The following RAD54B variants were observed in gnomAD, a reference collection of about 807,000 sequenced individuals.
RAD54B encodes the protein DNA repair and recombination protein RAD54B.
RAD54B carries 78 observed loss-of-function variants against 95.8 expected under a neutral mutation model. That is an observed-to-expected ratio of 0.81 (90% CI 0.68 to 0.98). RAD54B has a LOEUF of 0.98. RAD54B is among the 50% of genes least tolerant of loss of function. The probability of loss-of-function intolerance (pLI) is 0.00; values close to 1 mark genes in which losing one functional copy is unlikely to be tolerated. For missense variants in RAD54B, 957 were observed against 1,056.6 expected (o/e 0.91, Z 1.31); for synonymous variants, 328 against 354.9 (o/e 0.92, Z 0.85).
chr8:94,439,064 C>G (rs2130129205), intron 3 of RAD54B, among the ~76,000 whole-genome samples: 1 of 152,158 alleles, frequency 6.6e-6, no homozygotes, highest in East Asian at 1.9e-4. Flanking sequence ...TGCACTCCAG[C>G]CTCGGTGACA....
intron 5 of RAD54B, among the ~76,000 whole-genome samples, chr8:94,405,062 C>T (rs1169521840): frequency 6.6e-6 from 1 of 152,114 alleles, no homozygotes; most frequent in Non-Finnish European, 1.5e-5. Flanking sequence ...GATCTGCCCA[C>T]CTCAGCCTCC....
intron 3 of RAD54B, among the ~76,000 whole-genome samples, chr8:94,437,476 G>C (rs981076871): frequency 1.3e-5 from 2 of 152,130 alleles, no homozygotes; most frequent in African/African-American, 2.4e-5. Context: ...TAGCTAGTTA[G>C]GTTACACCCA....
At chr8:94,435,915 T>C (rs1172374997) in intron 3 of RAD54B, among the ~76,000 whole-genome samples, 2 of 152,180 alleles carry the variant, frequency 1.3e-5, no homozygotes, top group Non-Finnish European at 2.9e-5. Context: ...CCTTTAGTTG[T>C]GTTCATCTTT....
chr8:94,444,781 AG>A (rs1417680185), intron 3 of RAD54B, among the ~76,000 whole-genome samples: 3 of 151,942 alleles, frequency 2.0e-5, no homozygotes, highest in African/African-American at 4.8e-5. Context: ...TAGAGCACTA[AG>A]AAGAGTTTAC....
chr8:94,431,075 A>T, intron 3 of RAD54B: 4 of 985,274 alleles, frequency 4.1e-6, no homozygotes, highest in Non-Finnish European at 4.8e-6. Flanking sequence ...TCTCAACAAA[A>T]CCCCAGCAAA....
chr8:94,393,793 T>G lies in RAD54B; in HGVS notation c.1468A>C (p.Lys490Gln). The G allele has an allele frequency of 1.3e-6, 2 of 1,585,126 alleles. No homozygotes were observed. The highest frequency in any genetic ancestry group is 1.7e-6 in the Non-Finnish European group (2 of 1,155,222). Residue 490 changes from lysine (K) to glutamine (Q), a missense_variant, in exon 9 of 15, where the codon AAA (lysine) becomes CAA (glutamine). Coordinates refer to ENST00000336148, the MANE Select transcript of RAD54B (RefSeq NM_012415.3). ...AAAATGATGGGTTCTTCATATATTT[T>G]CCTATAAGATGACAAAGAGCCTAAT... ...GILGSLSSYR[K>Q]IYEEPIILSR...
chr8:94,403,488 C>T (rs1811309211), intron 6 of RAD54B, among the ~76,000 whole-genome samples: 1 of 151,934 alleles, frequency 6.6e-6, no homozygotes, highest in African/African-American at 2.4e-5. Flanking sequence ...ACCAGCCTGG[C>T]CAACATGGTG....
At chr8:94,414,767 T>C (rs1811616584) in intron 3 of RAD54B, among the ~76,000 whole-genome samples, 1 of 152,252 alleles carries the variant, frequency 6.6e-6, no homozygotes, top group African/African-American at 2.4e-5. Context: ...CCATTCACAA[T>C]TGCTTCAAAG....
intron 3 of RAD54B, chr8:94,429,114 T>G: frequency 1.0e-6 from 1 of 985,280 alleles, no homozygotes; most frequent in African/African-American, 1.7e-5. Context: ...GTTGCTGCAG[T>G]AAACTCAAAG....
At chr8:94,454,925 T>C (rs1812746611) in intron 3 of RAD54B, among the ~76,000 whole-genome samples, 1 of 152,166 alleles carries the variant, frequency 6.6e-6, no homozygotes, top group Non-Finnish European at 1.5e-5. Context: ...ACTTCTCCAA[T>C]GGGGAAAGAT....
rs761603314 is a variant in RAD54B at position 94,393,798 on chromosome 8, T to C, written c.1463A>G (p.Tyr488Cys). Residue 488 changes from tyrosine to cysteine, a missense_variant, in exon 9 of 15, where the codon TAT (tyrosine) becomes TGT (cysteine). Physicochemically the swap from Tyr to Cys is radical, Grantham distance 194. Transcript: ENST00000336148. Reference protein sequence around the residue: ...NPGILGSLSSYRKIYEEPIIL... With the variant: ...NPGILGSLSSCRKIYEEPIIL... ...GATGGGTTCTTCATATATTTTCCTATAAGATGACAAAGAGCCTAATATTCC... is the reference window on the plus strand; with the variant it reads ...GATGGGTTCTTCATATATTTTCCTACAAGATGACAAAGAGCCTAATATTCC... 6.3e-7 allele frequency: 1 copy of C among 1,585,646 alleles called. No homozygotes were observed. Among genetic ancestry groups the C allele is most frequent in the South Asian group, 1.1e-5 (1 of 89,998 alleles).
intron 3 of RAD54B, among the ~76,000 whole-genome samples, chr8:94,421,262 A>G (rs1403088766): frequency 1.3e-5 from 2 of 152,184 alleles, no homozygotes; most frequent in Non-Finnish European, 2.9e-5. Flanking sequence ...ACTTCCTCCT[A>G]GAAATACTGA....
chr8:94,433,472 G>A (rs1158229386), intron 3 of RAD54B, among the ~76,000 whole-genome samples: 3 of 151,820 alleles, frequency 2.0e-5, no homozygotes, highest in African/African-American at 7.2e-5. Flanking sequence ...ATTTTTTAAT[G>A]AAACATTTTT....
intron 1 of RAD54B, among the ~76,000 whole-genome samples, chr8:94,474,198 A>T (rs1813237932): frequency 6.6e-6 from 1 of 152,170 alleles, no homozygotes; most frequent in Admixed American, 6.5e-5. Flanking sequence ...GCAACAATAG[A>T]CAGTGGAGAC....
In RAD54B at chr8:94,404,138, G is replaced by C; in HGVS notation, c.883C>G (p.His295Asp). The C allele has an allele frequency of 6.2e-7, 1 of 1,610,714 alleles. No homozygotes were observed. The highest frequency in any genetic ancestry group is 8.5e-7 in the Non-Finnish European group (1 of 1,177,588). The change falls in exon 6 of 15, where the codon CAT (histidine) becomes GAT (aspartate). Residue 295 changes from histidine to aspartate, a missense_variant. Transcript: ENST00000336148. ...CCTTCTTTCTGATGTGGTCGAAGAT[G>C]ATATACAAGGTAAGGATCAATCACT... The part of the protein sequence containing the change: ...DVVIDPYLVY[H>D]LRPHQKEGII...
At position 94,432,097 on chromosome 8, in the gene RAD54B, C is replaced by A; in HGVS notation, c.305-20782G>T. 2.0e-6 allele frequency: 3 copies of A among 1,501,388 alleles called. No homozygotes were observed. The South Asian group carries it at 4.0e-5, about 20-fold the overall frequency. The allele number at this position is 1,501,388 out of a possible 1,614,324, so 93.0% of individuals were successfully genotyped here. On this transcript the variant is annotated intron_variant, in intron 3 of 14. Coordinates refer to ENST00000336148, the MANE Select transcript of RAD54B (RefSeq NM_012415.3). ...CAAATTAAAGTAATTTGGCCAAAATCAAAATTATCAAATTGCAAGATTGAA... is the reference window on the plus strand; with the variant it reads ...CAAATTAAAGTAATTTGGCCAAAATAAAAATTATCAAATTGCAAGATTGAA...
intron 3 of RAD54B, among the ~76,000 whole-genome samples, chr8:94,444,117 T>C (rs1029988010): frequency 1.2e-4 from 19 of 152,096 alleles, no homozygotes; most frequent in African/African-American, 4.3e-4. Flanking sequence ...AAAACACAAA[T>C]GTCCAACATA....
chr8:94,372,353 A>G lies in RAD54B; in HGVS notation c.2550T>C (p.Asp850=), dbSNP rs897125131. The G allele has an allele frequency of 3.1e-6, 5 of 1,613,448 alleles. No individual in the cohort carries two copies. Among genetic ancestry groups the G allele is most frequent in the Non-Finnish European group, 4.2e-6 (5 of 1,179,810 alleles). The change falls in exon 15 of 15, where the codon GAT becomes GAC. Residue 850 remains aspartate (D), a synonymous_variant. Coordinates refer to ENST00000336148, the MANE Select transcript of RAD54B (RefSeq NM_012415.3). ...DSLEKFIVSR[D]CQLGPHHQKS... The stretch of plus-strand genomic sequence containing the variant: ...TCTGGTGATGTGGACCAAGCTGACA[A>G]TCTCTAGAGACAATGAATTTTTCCA...
chr8:94,437,086 C>T (rs1355010976), intron 3 of RAD54B: 2 of 856,634 alleles, frequency 2.3e-6, no homozygotes, highest in South Asian at 7.5e-5. Context: ...AAGCTTCTCA[C>T]TGAAGAAGAC....
Sources: allele counts gnomAD v4.1 joint callset (sites outside exome capture counted in the v4.1 genomes callset), GRCh38; gene constraint gnomAD v4.1.1; transcripts MANE v1.5; gene names NCBI Gene and HGNC (gene_info 2026-07-23, HGNC 2026-07-21).